HOXB2: variants seen among roughly 807,000 people sequenced by gnomAD.
The protein encoded by HOXB2 is homeobox B2.
In HOXB2, 14 loss-of-function variants were observed where a neutral mutation model predicts 13.1. The observed-to-expected ratio is 1.07, with a 90% CI of 0.71 to 1.67. HOXB2 has a LOEUF of 1.67. Among genes scored for constraint, HOXB2 ranks in the 40% most tolerant of loss-of-function variants. HOXB2 has a pLI of 0.00. For synonymous variants in HOXB2, 261 were observed against 233.1 expected (o/e 1.12, Z -1.09); for missense variants, 582 against 488.3 (o/e 1.19, Z -1.81).
At position 48,544,971 on chromosome 17, in the gene HOXB2, G is replaced by A; in HGVS notation, c.-60C>T. The A allele has an allele frequency of 4.9e-6, 6 of 1,233,404 alleles. No individual in the cohort carries two copies. The highest frequency in any genetic ancestry group is 6.2e-6 in the Non-Finnish European group (6 of 961,976). 76.4% of individuals were successfully genotyped at this position (1,233,404 alleles called of 1,614,324 possible). ...GGGCGTCAGGAGGGAGGATCGGAAGGGACCCCCCTCCTGCACCCCCCCCGA... is the reference window on the plus strand; with the variant it reads ...GGGCGTCAGGAGGGAGGATCGGAAGAGACCCCCCTCCTGCACCCCCCCCGA... On this transcript the variant is annotated 5_prime_UTR_variant, in exon 1 of 2. Transcript: ENST00000330070.
In HOXB2 at chr17:48,544,639, CG is replaced by C. The variant is rs761024113; in HGVS notation, c.272del (p.Pro91ArgfsTer8). On this transcript the variant is annotated frameshift_variant, in exon 1 of 2. Coordinates refer to ENST00000330070, the MANE Select transcript of HOXB2 (RefSeq NM_002145.4). LOFTEE classifies it high-confidence loss of function. ...CTTTCATCCAAGGGAACTCGGGGGC[CG>C]GGGGGGCAGCGGGGAGTGGCGGCGG... ...PPPPPLPAAP[P>X]APEFPWMKEK... The C allele has an allele frequency of 8.7e-6, 14 of 1,610,160 alleles. No homozygotes were observed. The highest frequency in any genetic ancestry group is 1.7e-5 in the Admixed American group (1 of 59,900).
Position 48,543,294 on chromosome 17 carries a change from G to A in HOXB2, c.845C>T (p.Ala282Val), listed in dbSNP as rs752159492. 18 of 1,603,004 alleles carry A rather than the reference G, an allele frequency of 1.1e-5. No individual in the cohort carries two copies. The highest frequency in any genetic ancestry group is 6.8e-5 in the Admixed American group (4 of 59,006). The change falls in exon 2 of 2, where the codon GCC (alanine) becomes GTC (valine). Residue 282 changes from alanine to valine, a missense_variant. Coordinates refer to ENST00000330070, the MANE Select transcript of HOXB2 (RefSeq NM_002145.4). ...CAATGGCCCGGGCTCCAGCCCGCCG[G>A]CCCCGCGCAGCGCGCAGCCGGGACT... ...ASSPGCALRGAGGLEPGPLPE... is the reference protein window; with the variant it reads ...ASSPGCALRGVGGLEPGPLPE...
chr17:48,543,809 A>G, intron 1 of HOXB2, 62 bp from the exon 2 acceptor site: 1 of 1,508,118 alleles, frequency 6.6e-7, no homozygotes, highest in Non-Finnish European at 8.8e-7. Flanking sequence ...CTCAGTTCGG[A>G]CTACCCCATC....
Position 48,544,930 on chromosome 17 carries a change from AGGGGGCTGCTGGG to A in HOXB2, c.-32_-20del. On this transcript the variant is annotated 5_prime_UTR_variant, in exon 1 of 2. Transcript: ENST00000330070. ...AATTCATGGCTTTCAATGGTGGGGG[AGGGGGCTGCTGGG>A]GGGGGCGTCAGGAGGGAGGATCGGA... The A allele has an allele frequency of 6.6e-6, 2 of 305,032 alleles. No individual in the cohort carries two copies. The highest frequency in any genetic ancestry group is 1.1e-5 in the Non-Finnish European group (2 of 190,148). The allele number at this position is 305,032 out of a possible 1,614,324, so 18.9% of individuals were successfully genotyped here. A position where few individuals can be genotyped will look rare whatever the true frequency, so the allele number is the denominator to read the frequency against.
intron 1 of HOXB2, 26 bp from the exon 2 acceptor site, chr17:48,543,773 A>G: frequency 6.4e-7 from 1 of 1,565,940 alleles, no homozygotes; most frequent in African/African-American, 1.3e-5. Flanking sequence ...GCTCGGCGTC[A>G]TAGCGGGCCG....
Position 48,542,712 on chromosome 17 carries a change from TC to T in HOXB2, c.*355del, listed in dbSNP as rs1368704490. On this transcript the variant is annotated 3_prime_UTR_variant, in exon 2 of 2. Transcript: ENST00000330070. ...TGAAAATAATGTACAATAAATACTT[TC>T]CCCTTTTCCTATTATTAAAGAATTT... is the stretch of plus-strand genomic sequence containing the variant. The T allele has an allele frequency of 1.2e-5, 2 of 172,688 alleles. No individual in the cohort carries two copies. Among genetic ancestry groups the T allele is most frequent in the Non-Finnish European group, 2.4e-5 (2 of 81,904 alleles). 10.7% of individuals were successfully genotyped at this position (172,688 alleles called of 1,614,324 possible).
In HOXB2 at chr17:48,543,490, C is replaced by A. The variant is rs2068526490; in HGVS notation, c.649G>T (p.Ala217Ser). The A allele has an allele frequency of 3.1e-6, 5 of 1,612,016 alleles. No homozygotes were observed. The highest frequency in any genetic ancestry group is 4.2e-6 in the Non-Finnish European group (5 of 1,179,856). The change falls in exon 2 of 2, where the codon GCC becomes TCC. Residue 217 changes from alanine to serine, a missense_variant. Ala to Ser is a moderately conservative substitution (Grantham distance 99). Transcript: ENST00000330070. ...GCAGGGTCGCAGATGTCCTCCAGGG[C>A]TCCCGGGCAGGCAGGCTCCCCATCC... ...PPDGEPACPG[A>S]LEDICDPAEE... is the part of the protein sequence containing the mutation.
intron 1 of HOXB2, chr17:48,544,087 G>A (rs1245699293): frequency 6.1e-6 from 6 of 985,160 alleles, no homozygotes; most frequent in Non-Finnish European, 7.2e-6. Context: ...CGGAGCGAGG[G>A]TCAGAAAGAT....
Position 48,543,620 on chromosome 17 carries a change from G to A in HOXB2, c.519C>T (p.Arg173=), listed in dbSNP as rs1274644389. Residue 173 remains arginine, a synonymous_variant, in exon 2 of 2, where the codon CGC becomes CGT. Transcript: ENST00000330070. ...GGTCCAGCAAGGCCGCGATCTCGAC[G>A]CGGCGTGGCCGGCACAGGTACTTAT... The part of the protein sequence containing the change: ...HFNKYLCRPR[R]VEIAALLDLT... The A allele has an allele frequency of 1.2e-6, 2 of 1,613,648 alleles. No homozygotes were observed. The highest frequency in any genetic ancestry group is 1.1e-5 in the South Asian group (1 of 91,080).
chr17:48,543,226 G>C lies in HOXB2; in HGVS notation c.913C>G (p.Pro305Ala), dbSNP rs1397558635. Residue 305 changes from proline (P) to alanine (A), a missense_variant, in exon 2 of 2, where the codon CCC becomes GCC. Pro to Ala is a conservative substitution (Grantham distance 27). Coordinates refer to ENST00000330070, the MANE Select transcript of HOXB2 (RefSeq NM_002145.4). ...TCGGCCGCGAAGAAGTTGAGGTCGG[G>C]AAGGAAAGGTGAATCCTGGCGCCCC... ...FSGRQDSPFL[P>A]DLNFFAADSC... 1.2e-6 allele frequency: 2 copies of C among 1,613,476 alleles called. No homozygotes were observed. The highest frequency in any genetic ancestry group is 1.7e-6 in the Non-Finnish European group (2 of 1,180,008).
At position 48,543,444 on chromosome 17, in the gene HOXB2, G is replaced by A. The variant is rs1182054054; in HGVS notation, c.695C>T (p.Pro232Leu). 6.2e-7 allele frequency: 1 copy of A among 1,601,652 alleles called. No individual in the cohort carries two copies. Among genetic ancestry groups the A allele is most frequent in the Admixed American group, 1.7e-5 (1 of 58,682 alleles). Residue 232 changes from proline (P) to leucine (L), a missense_variant, in exon 2 of 2, where the codon CCG (proline) becomes CTG (leucine). Physicochemically the swap from Pro to Leu is moderately conservative, Grantham distance 98. Transcript: ENST00000330070. ...CGCCCGCGAGGCGGAGGGGCCGCCC[G>A]GGCTGGCCGCGGGTTCCTCGGCAGG... ...CDPAEEPAAS[P>L]GGPSASRAAW...
chr17:48,544,632 C>G lies in HOXB2; in HGVS notation c.280G>C (p.Glu94Gln). 1 of 1,611,176 alleles carries G rather than the reference C, an allele frequency of 6.2e-7. No individual in the cohort carries two copies. Among genetic ancestry groups the G allele is most frequent in the Non-Finnish European group, 8.5e-7 (1 of 1,179,198 alleles). Residue 94 changes from glutamate to glutamine, a missense_variant, in exon 1 of 2, where the codon GAG becomes CAG. Coordinates refer to ENST00000330070, the MANE Select transcript of HOXB2 (RefSeq NM_002145.4). ...PPLPAAPPAPEFPWMKEKKSA... is the reference protein window; with the variant it reads ...PPLPAAPPAPQFPWMKEKKSA... ...TTCTTCTCTTTCATCCAAGGGAACT[C>G]GGGGGCCGGGGGGGCAGCGGGGAGT... is the stretch of plus-strand genomic sequence containing the variant.
Position 48,542,957 on chromosome 17 carries a change from G to A in HOXB2, c.*111C>T. 1 of 786,994 alleles carries A rather than the reference G, an allele frequency of 1.3e-6. No homozygotes were observed. The highest frequency in any genetic ancestry group is 1.9e-6 in the Non-Finnish European group (1 of 512,898). 48.8% of individuals were successfully genotyped at this position (786,994 alleles called of 1,614,324 possible). The stretch of plus-strand genomic sequence containing the variant: ...ATTAAACGCTAATTCAGTAATACCT[G>A]AATTTTAGCAAAACACATAAGTCTA... On this transcript the variant is annotated 3_prime_UTR_variant, in exon 2 of 2. Coordinates refer to ENST00000330070, the MANE Select transcript of HOXB2 (RefSeq NM_002145.4).
At position 48,543,570 on chromosome 17, in the gene HOXB2, C is replaced by T. The variant is rs2068528208; in HGVS notation, c.569G>A (p.Trp190Ter). The T allele has an allele frequency of 1.2e-6, 2 of 1,613,260 alleles. No homozygotes were observed. Among genetic ancestry groups the T allele is most frequent in the Non-Finnish European group, 1.7e-6 (2 of 1,179,996 alleles). ...GTGCTTCATGCGCCGGTTCTGAAAC[C>T]AGACTTTGACCTGCCTTTCGGTGAG... Reference protein sequence around the residue: ...LDLTERQVKVWFQNRRMKHKR... With the variant: ...LDLTERQVKV Residue 190 changes from tryptophan (W) to a stop codon, truncating the protein, a stop_gained, in exon 2 of 2, where the codon TGG (tryptophan) becomes TAG (stop). Transcript: ENST00000330070. LOFTEE classifies it low-confidence loss of function (END_TRUNC).
At chr17:48,543,955 C>G in intron 1 of HOXB2, 1 of 1,330,098 alleles carries the variant, frequency 7.5e-7, no homozygotes, top group Non-Finnish European at 9.5e-7. Flanking sequence ...CAGGGCAAAG[C>G]ATTCAGAGCC....
At position 48,543,577 on chromosome 17, in the gene HOXB2, T is replaced by C. The variant is rs773868726; in HGVS notation, c.562A>G (p.Lys188Glu). Residue 188 changes from lysine to glutamate, a missense_variant, in exon 2 of 2, where the codon AAA (lysine) becomes GAA (glutamate). Coordinates refer to ENST00000330070, the MANE Select transcript of HOXB2 (RefSeq NM_002145.4). ...ALLDLTERQV[K>E]VWFQNRRMKH... ...ATGCGCCGGTTCTGAAACCAGACTTTGACCTGCCTTTCGGTGAGGTCCAGC... is the reference window on the plus strand; with the variant it reads ...ATGCGCCGGTTCTGAAACCAGACTTCGACCTGCCTTTCGGTGAGGTCCAGC... 3 of 1,613,242 alleles carry C rather than the reference T, an allele frequency of 1.9e-6. No individual in the cohort carries two copies. The highest frequency in any genetic ancestry group is 2.5e-6 in the Non-Finnish European group (3 of 1,179,974).
chr17:48,542,800 T>C lies in HOXB2; in HGVS notation c.*268A>G, dbSNP rs2068511642. Reference sequence around the variant, plus strand: ...GAAAATAGGTCCCTCTAGTTATTTTTAAGAAAGTCCCCCTAGAGTTTAATT... The same window carrying C: ...GAAAATAGGTCCCTCTAGTTATTTTCAAGAAAGTCCCCCTAGAGTTTAATT... On this transcript the variant is annotated 3_prime_UTR_variant, in exon 2 of 2. Coordinates refer to ENST00000330070, the MANE Select transcript of HOXB2 (RefSeq NM_002145.4). The C allele has an allele frequency of 3.0e-6, 1 of 333,552 alleles. No homozygotes were observed. Among genetic ancestry groups the C allele is most frequent in the Admixed American group, 4.6e-5 (1 of 21,514 alleles). 20.7% of individuals were successfully genotyped at this position (333,552 alleles called of 1,614,324 possible).
chr17:48,544,318 A>G (rs2068542908), intron 1 of HOXB2: 1 of 1,272,238 alleles, frequency 7.9e-7, no homozygotes, highest in Non-Finnish European at 1.0e-6. Context: ...AGGGAGAGAA[A>G]GAGAGAGAGA....
In HOXB2 at chr17:48,543,357, C is replaced by A; in HGVS notation, c.782G>T (p.Arg261Leu). 2 of 1,593,696 alleles carry A rather than the reference C, an allele frequency of 1.3e-6. No individual in the cohort carries two copies. The highest frequency in any genetic ancestry group is 1.7e-6 in the Non-Finnish European group (2 of 1,174,080). ...GCCCTCTAAGCGAACGGCTAAAGGC[C>A]GGGGGTCCGCGCTTAAGGCCCCCGG... ...VVPGALSADP[R>L]PLAVRLEGAG... The change falls in exon 2 of 2, where the codon CGG (arginine) becomes CTG (leucine). Residue 261 changes from arginine to leucine, a missense_variant. Transcript: ENST00000330070.
Sources: gnomAD v4.1 joint callset for allele counts on GRCh38, gnomAD v4.1.1 for gene constraint, MANE v1.5 for transcripts, NCBI Gene and HGNC (gene_info 2026-07-23, HGNC 2026-07-21) for gene names.